Variants in MSRA observed in about 807,000 individuals in gnomAD.
MSRA encodes mitochondrial peptide methionine sulfoxide reductase.
In MSRA, 54 loss-of-function variants were observed where a neutral mutation model predicts 31.3. That is an observed-to-expected ratio of 1.73 (90% CI 1.39 to 2.17). MSRA has a LOEUF of 2.17. Ranked by LOEUF, MSRA falls within the 30% of genes most tolerant of loss-of-function variation. The pLI, the probability that MSRA is intolerant of heterozygous loss-of-function variation, is 0.00. For missense variants in MSRA, 507 were observed against 300.9 expected (o/e 1.69, Z -5.07); for synonymous variants, 169 against 116.5 (o/e 1.45, Z -2.90).
intron 1 of MSRA, among the ~76,000 whole-genome samples, chr8:10,090,930 C>T (rs1377290302): frequency 2.0e-5 from 3 of 152,226 alleles, no homozygotes; most frequent in African/African-American, 7.2e-5. Flanking sequence ...ATCCGTTCAT[C>T]AGCTGCTGAA....
chr8:10,192,867 A>G (rs570303390), intron 1 of MSRA, among the ~76,000 whole-genome samples: 2 of 100,988 alleles, frequency 2.0e-5, no homozygotes, highest in East Asian at 2.6e-4. Flanking sequence ...CAGCATGTTC[A>G]TGGAAAATGG....
At chr8:10,339,556 T>TTTTTTTTTTC (rs1554531885) in intron 5 of MSRA, among the ~76,000 whole-genome samples, 24 of 100,722 alleles carry the variant, frequency 2.4e-4, no homozygotes, top group East Asian at 7.3e-4. Flanking sequence ...TTTTTTTTTT[T>TTTTTTTTTTC]TCTGAGACGG....
At chr8:10,158,766 T>G (rs543589738) in intron 1 of MSRA, among the ~76,000 whole-genome samples, 6 of 152,214 alleles carry the variant, frequency 3.9e-5, no homozygotes, top group Non-Finnish European at 8.8e-5. Flanking sequence ...AATTGCTGGG[T>G]CATATGGTGA....
At chr8:10,182,169 G>A (rs1251455448) in intron 1 of MSRA, among the ~76,000 whole-genome samples, 1 of 152,088 alleles carries the variant, frequency 6.6e-6, no homozygotes, top group Non-Finnish European at 1.5e-5. Flanking sequence ...CCTCTAAGCT[G>A]CAGCAGCTAT....
intron 5 of MSRA, among the ~76,000 whole-genome samples, chr8:10,377,117 G>T (rs1271027590): frequency 1.3e-5 from 2 of 152,254 alleles, no homozygotes; most frequent in African/African-American, 4.8e-5. Flanking sequence ...AGCTGGGTAG[G>T]AGATAGTGCT....
intron 3 of MSRA, among the ~76,000 whole-genome samples, chr8:10,299,369 C>G (rs1800719889): frequency 6.6e-6 from 1 of 151,978 alleles, no homozygotes; most frequent in Non-Finnish European, 1.5e-5. Context: ...TTAAACATTT[C>G]AAATTACAAA....
chr8:10,383,682 T>G (rs1029710392), intron 5 of MSRA, among the ~76,000 whole-genome samples: 2 of 152,172 alleles, frequency 1.3e-5, no homozygotes, highest in Non-Finnish European at 2.9e-5. Context: ...GAATTATTCT[T>G]CTGCCTACCC....
At chr8:10,095,464 C>T (rs1015188185) in intron 1 of MSRA, 2 of 985,336 alleles carry the variant, frequency 2.0e-6, no homozygotes, top group African/African-American at 1.7e-5. Flanking sequence ...CCGCAAAGGA[C>T]ATCTTTTGGA....
chr8:10,263,690 C>A (rs1215484388), intron 3 of MSRA, among the ~76,000 whole-genome samples: 1 of 152,106 alleles, frequency 6.6e-6, no homozygotes, highest in Non-Finnish European at 1.5e-5. Context: ...TTGGGTCTTT[C>A]TGAAGGGAAG....
intron 1 of MSRA, among the ~76,000 whole-genome samples, chr8:10,175,468 A>G (rs1409889551): frequency 6.6e-6 from 1 of 152,236 alleles, no homozygotes; most frequent in Non-Finnish European, 1.5e-5. Flanking sequence ...GTGTTGACTA[A>G]TTGATAACCG....
intron 3 of MSRA, among the ~76,000 whole-genome samples, chr8:10,298,959 C>A (rs557420826): frequency 2.0e-5 from 3 of 152,250 alleles, no homozygotes; most frequent in South Asian, 2.1e-4. Context: ...GTGGCTCTTG[C>A]TACATACACC....
chr8:10,309,314 C>T (rs1198217583), intron 4 of MSRA, among the ~76,000 whole-genome samples: 1 of 152,250 alleles, frequency 6.6e-6, no homozygotes, highest in Non-Finnish European at 1.5e-5. Context: ...CGCACACGGG[C>T]GCGGAGCCTG....
At chr8:10,375,954 G>A (rs1188759052) in intron 5 of MSRA, among the ~76,000 whole-genome samples, 1 of 152,194 alleles carries the variant, frequency 6.6e-6, no homozygotes, top group Admixed American at 6.5e-5. Context: ...TTCTGATGGG[G>A]GAGGAAGGCG....
intron 1 of MSRA, chr8:10,096,024 C>T: frequency 6.9e-7 from 1 of 1,456,592 alleles, no homozygotes. Flanking sequence ...GAAAGACATC[C>T]TTCGGAATGT....
intron 5 of MSRA, among the ~76,000 whole-genome samples, chr8:10,393,513 G>C (rs1416534940): frequency 6.6e-6 from 1 of 152,186 alleles, no homozygotes. Flanking sequence ...GTGTTTGCTG[G>C]GCACCGTGTA....
chr8:10,113,146 C>G (rs1800407756), intron 1 of MSRA, among the ~76,000 whole-genome samples: 1 of 151,974 alleles, frequency 6.6e-6, no homozygotes, highest in Non-Finnish European at 1.5e-5. Context: ...CCTGTAGGTG[C>G]TCACTAAATA....
intron 5 of MSRA, among the ~76,000 whole-genome samples, chr8:10,417,650 A>AT (rs141023088): frequency 1.4e-4 from 21 of 148,470 alleles, no homozygotes; most frequent in South Asian, 2.2e-4. Flanking sequence ...GTCATTTCAC[A>AT]TTTTTTTTTT....
intron 5 of MSRA, among the ~76,000 whole-genome samples, chr8:10,367,664 G>A (rs1427035071): frequency 6.6e-6 from 1 of 152,256 alleles, no homozygotes; most frequent in Non-Finnish European, 1.5e-5. Context: ...CACTGCGAGT[G>A]AGTAGCAGAG....
intron 2 of MSRA, among the ~76,000 whole-genome samples, chr8:10,219,647 A>C (rs1205716256): frequency 6.6e-6 from 1 of 151,866 alleles, no homozygotes; most frequent in Non-Finnish European, 1.5e-5. Flanking sequence ...TCTACTAAAA[A>C]TACAAAAAAT....
Sources: allele counts gnomAD v4.1 joint callset (sites outside exome capture counted in the v4.1 genomes callset), GRCh38; gene constraint gnomAD v4.1.1; transcripts MANE v1.5; gene names NCBI Gene and HGNC (gene_info 2026-07-23, HGNC 2026-07-21).